The following WNT7B variants were observed in gnomAD, a reference collection of about 807,000 sequenced individuals.
WNT7B encodes protein Wnt-7b.
In WNT7B, 19 loss-of-function variants were observed where a neutral mutation model predicts 38.2. The observed-to-expected ratio is 0.50, with a 90% CI of 0.35 to 0.73. The LOEUF is 0.73. Among genes scored for constraint, WNT7B ranks in the 30% least tolerant of loss-of-function variants. WNT7B has a pLI of 0.01. For missense variants in WNT7B, 423 were observed against 507.9 expected (o/e 0.83, Z 1.61); for synonymous variants, 243 against 209.3 (o/e 1.16, Z -1.39).
chr22:45,969,976 T>G (rs1932396792), intron 1 of WNT7B, among the ~76,000 whole-genome samples: 1 of 152,248 alleles, frequency 6.6e-6, no homozygotes, highest in East Asian at 1.9e-4. Context: ...CTCCCCCAAG[T>G]GCAGCCATCG....
intron 3 of WNT7B, chr22:45,925,235 G>A (rs1428368105): frequency 1.0e-6 from 1 of 984,714 alleles, no homozygotes; most frequent in African/African-American, 1.8e-5. Flanking sequence ...CTCATCAGGT[G>A]GGTGCTGTGT....
At position 45,922,295 on chromosome 22, in the gene WNT7B, A is replaced by T. The variant is rs1029980500; in HGVS notation, c.*561T>A. The stretch of plus-strand genomic sequence containing the variant: ...GAGGGTGTCTAGGGGATGGGCTGAC[A>T]CAGAGTACGGAGTTAGGACTGGCTA... On this transcript the variant is annotated 3_prime_UTR_variant, in exon 4 of 4. Coordinates refer to ENST00000339464, the MANE Select transcript of WNT7B (RefSeq NM_058238.3). The T allele has an allele frequency of 1.3e-5, 2 of 153,142 alleles. No homozygotes were observed. The highest frequency in any genetic ancestry group is 2.9e-5 in the Non-Finnish European group (2 of 68,824). 9.5% of individuals were successfully genotyped at this position (153,142 alleles called of 1,614,324 possible).
chr22:45,960,379 G>T (rs966938685), intron 1 of WNT7B, among the ~76,000 whole-genome samples: 1 of 152,216 alleles, frequency 6.6e-6, no homozygotes, highest in Non-Finnish European at 1.5e-5. Flanking sequence ...TAAGGCCACT[G>T]TGTCAGCGGC....
chr22:45,928,285 GT>G (rs943765177), intron 3 of WNT7B, among the ~76,000 whole-genome samples: 2 of 152,150 alleles, frequency 1.3e-5, no homozygotes, highest in Admixed American at 6.5e-5. Flanking sequence ...GCTGGATTCA[GT>G]GCTTATGGAA....
At chr22:45,954,522 C>T (rs1052041351) in intron 1 of WNT7B, among the ~76,000 whole-genome samples, 2 of 152,304 alleles carry the variant, frequency 1.3e-5, no homozygotes, top group South Asian at 4.1e-4. Flanking sequence ...CCCACCCAGC[C>T]GACGCCCTGC....
chr22:45,947,823 G>A (rs1008754731), intron 2 of WNT7B, among the ~76,000 whole-genome samples: 12 of 152,306 alleles, frequency 7.9e-5, no homozygotes, highest in Non-Finnish European at 1.2e-4. Context: ...GAAAGCAACA[G>A]GGGTGTCTTA....
chr22:45,927,428 A>G, intron 3 of WNT7B: 4 of 1,545,014 alleles, frequency 2.6e-6, no homozygotes, highest in East Asian at 2.5e-5. Flanking sequence ...CCTGGGCCAC[A>G]TGCCAGCTAG....
intron 3 of WNT7B, among the ~76,000 whole-genome samples, chr22:45,928,507 C>G (rs1320992484): frequency 6.6e-6 from 1 of 150,520 alleles, no homozygotes; most frequent in Non-Finnish European, 1.5e-5. Context: ...CACCGGCCAT[C>G]CGAGACAAGG....
chr22:45,958,226 T>G (rs62226034), intron 1 of WNT7B, among the ~76,000 whole-genome samples: 28,235 of 152,138 alleles, frequency 0.19, 2,724 homozygotes, highest in Admixed American at 0.2. Context: ...GACCCTCACC[T>G]GGGCGACACC....
Position 45,935,181 on chromosome 22 carries a change from G to T in WNT7B, c.299-3812C>A, listed in dbSNP as rs554946968. Among the ~76,000 whole-genome samples, 680 of 152,278 alleles carry T rather than the reference G, an allele frequency of 4.5e-3. 5 individuals are homozygous for T. The highest frequency in any genetic ancestry group is 0.016 in the African/African-American group (652 of 41,554). On this transcript the variant is annotated intron_variant, in intron 2 of 3. Coordinates refer to ENST00000339464, the MANE Select transcript of WNT7B (RefSeq NM_058238.3). ...ACGCCATCCTTCCTCCAGGCTGACAGCGAGCCAGTGCTTAGACTTAGAAGC... is the reference window on the plus strand; with the variant it reads ...ACGCCATCCTTCCTCCAGGCTGACATCGAGCCAGTGCTTAGACTTAGAAGC...
At chr22:45,929,628 CCATCCATG>C (rs1251420482) in intron 3 of WNT7B, among the ~76,000 whole-genome samples, 8 of 119,054 alleles carry the variant, frequency 6.7e-5, no homozygotes, top group African/African-American at 1.7e-4. Context: ...ACCCATCCTT[CCATCCATG>C]CATCCACTCA....
At chr22:45,931,012 TAGAAG>T in intron 3 of WNT7B, 81 bp downstream of exon 3, 1 of 1,456,732 alleles carries the variant, frequency 6.9e-7, no homozygotes, top group Non-Finnish European at 9.0e-7. Flanking sequence ...CTGCTTCTGC[TAGAAG>T]AGGAGCCTGA....
intron 1 of WNT7B, among the ~76,000 whole-genome samples, chr22:45,971,128 T>C (rs941445173): frequency 5.5e-5 from 8 of 144,634 alleles, no homozygotes; most frequent in African/African-American, 2.1e-4. Flanking sequence ...GGCGAGGCGA[T>C]GTATTAGGAC....
chr22:45,958,704 C>T (rs112641771), intron 1 of WNT7B, among the ~76,000 whole-genome samples: 3 of 152,200 alleles, frequency 2.0e-5, no homozygotes, highest in Admixed American at 6.5e-5. Flanking sequence ...AACCCACCCC[C>T]ACTGTCCCGG....
intron 1 of WNT7B, among the ~76,000 whole-genome samples, chr22:45,955,341 G>A (rs1046584469): frequency 1.1e-4 from 17 of 152,238 alleles, no homozygotes; most frequent in African/African-American, 3.9e-4. Flanking sequence ...GGGAAGTGGG[G>A]GAAAAATATC....
intron 2 of WNT7B, among the ~76,000 whole-genome samples, chr22:45,934,941 C>G (rs966945335): frequency 2.0e-5 from 3 of 152,320 alleles, no homozygotes; most frequent in African/African-American, 7.2e-5. Flanking sequence ...CCCGTGCGCC[C>G]GGCACGTTGC....
At chr22:45,935,668 G>A (rs1476913064) in intron 2 of WNT7B, among the ~76,000 whole-genome samples, 2 of 152,094 alleles carry the variant, frequency 1.3e-5, no homozygotes, top group Non-Finnish European at 2.9e-5. Context: ...CCCACCCATC[G>A]CTGTTTCCCA....
At chr22:45,928,013 A>G (rs1413582293) in intron 3 of WNT7B, among the ~76,000 whole-genome samples, 1 of 152,212 alleles carries the variant, frequency 6.6e-6, no homozygotes, top group Non-Finnish European at 1.5e-5. Flanking sequence ...GAATGCTGCG[A>G]GAGCCAGGAA....
chr22:45,972,286 G>C, intron 1 of WNT7B: 1 of 577,678 alleles, frequency 1.7e-6, no homozygotes, highest in East Asian at 3.6e-5. Context: ...CGGGCCGGGC[G>C]CCTGGGCCAG....
Sources: gnomAD v4.1 joint callset for allele counts (sites outside exome capture counted in the v4.1 genomes callset) on GRCh38, gnomAD v4.1.1 for gene constraint, MANE v1.5 for transcripts, NCBI Gene and HGNC (gene_info 2026-07-23, HGNC 2026-07-21) for gene names.